ADIPOR2: variants seen among roughly 807,000 people sequenced by gnomAD.
ADIPOR2 encodes adiponectin receptor 2, also known as adiponectin receptor protein 2.
A neutral mutation model predicts 40.9 loss-of-function variants in ADIPOR2; 18 were observed. The ratio of observed to expected loss-of-function variants is 0.44; its 90% CI spans 0.30 to 0.65. The LOEUF (loss-of-function observed/expected upper bound fraction) is 0.65. Among genes scored for constraint, ADIPOR2 ranks in the 30% least tolerant of loss-of-function variants. The probability of loss-of-function intolerance (pLI) is 0.09; values close to 1 mark genes in which losing one functional copy is unlikely to be tolerated. For missense variants in ADIPOR2, 283 were observed against 479.2 expected, an observed-to-expected ratio of 0.59 and a Z score of 3.82; for synonymous variants, 165 against 166.4, an observed-to-expected ratio of 0.99 and a Z score of 0.06.
intron 1 of ADIPOR2, among the ~76,000 whole-genome samples, chr12:1,708,873 C>T (rs1276377005): frequency 6.6e-6 from 1 of 152,072 alleles, no homozygotes; most frequent in Non-Finnish European, 1.5e-5. Flanking sequence ...GTGTGCACCA[C>T]CACGCCCGGC....
At chr12:1,711,051 C>G (rs1165824733) in intron 1 of ADIPOR2, among the ~76,000 whole-genome samples, 1 of 152,084 alleles carries the variant, frequency 6.6e-6, no homozygotes, top group Non-Finnish European at 1.5e-5. Flanking sequence ...CTGTAAACGC[C>G]AGGTGGCGTC....
chr12:1,768,402 G>A (rs1862428085), intron 2 of ADIPOR2, among the ~76,000 whole-genome samples: 1 of 151,982 alleles, frequency 6.6e-6, no homozygotes, highest in Non-Finnish European at 1.5e-5. Flanking sequence ...CTTCATGCAG[G>A]CTTTCCTGAG....
At chr12:1,745,227 C>G (rs2094752449) in intron 1 of ADIPOR2, among the ~76,000 whole-genome samples, 1 of 152,050 alleles carries the variant, frequency 6.6e-6, no homozygotes, top group Non-Finnish European at 1.5e-5. Context: ...CTCTTGGTAC[C>G]CATTGCTTTG....
intron 1 of ADIPOR2, among the ~76,000 whole-genome samples, chr12:1,703,978 G>T (rs1372456692): frequency 1.4e-5 from 2 of 144,632 alleles, no homozygotes; most frequent in Non-Finnish European, 3.0e-5. Context: ...CTCCCAAAGT[G>T]CTGGGATTAC....
At chr12:1,701,127 C>CTTTTT (rs34379541) in intron 1 of ADIPOR2, among the ~76,000 whole-genome samples, 2 of 123,780 alleles carry the variant, frequency 1.6e-5, no homozygotes, top group Non-Finnish European at 1.7e-5. Flanking sequence ...TGGTGTTGAT[C>CTTTTT]TTTTTTTTTT....
chr12:1,737,432 C>G (rs1442813330), intron 1 of ADIPOR2, among the ~76,000 whole-genome samples: 1 of 151,930 alleles, frequency 6.6e-6, no homozygotes, highest in Admixed American at 6.6e-5. Flanking sequence ...CAAATTAAGT[C>G]ATTTCCCTCT....
intron 2 of ADIPOR2, 110 bp from the exon 3 acceptor site, chr12:1,772,732 G>A: frequency 7.5e-7 from 1 of 1,341,602 alleles, no homozygotes; most frequent in Non-Finnish European, 1.0e-6. Flanking sequence ...CTTGTCTAAG[G>A]CCTTGTTTTG....
chr12:1,765,605 A>G (rs1461637637), intron 2 of ADIPOR2, among the ~76,000 whole-genome samples: 1 of 152,202 alleles, frequency 6.6e-6, no homozygotes, highest in African/African-American at 2.4e-5. Flanking sequence ...TGACTACTCC[A>G]TAACTGTAGT....
At chr12:1,721,056 A>G (rs544024194) in intron 1 of ADIPOR2, among the ~76,000 whole-genome samples, 7 of 152,198 alleles carry the variant, frequency 4.6e-5, no homozygotes, top group Admixed American at 3.3e-4. Flanking sequence ...GACCAAACCA[A>G]TGTACTTCTT....
intron 7 of ADIPOR2, 81 bp downstream of exon 7, chr12:1,784,154 GT>G: frequency 1.4e-6 from 2 of 1,397,790 alleles, no homozygotes; most frequent in Non-Finnish European, 9.5e-7. Context: ...AATAGAAAAA[GT>G]TTTAGACACA....
At chr12:1,748,409 T>C (rs149639586) in intron 1 of ADIPOR2, among the ~76,000 whole-genome samples, 213 of 152,026 alleles carry the variant, frequency 1.4e-3, no homozygotes, top group South Asian at 2.9e-3. Context: ...CCACCACGCC[T>C]GGCTAATTTT....
chr12:1,726,847 A>G (rs987497477), intron 1 of ADIPOR2, among the ~76,000 whole-genome samples: 1 of 152,084 alleles, frequency 6.6e-6, no homozygotes, highest in Non-Finnish European at 1.5e-5. Context: ...GAAACTCATT[A>G]TTGTTCCGCT....
intron 3 of ADIPOR2, among the ~76,000 whole-genome samples, chr12:1,776,700 G>A (rs1193321657): frequency 6.6e-6 from 1 of 152,152 alleles, no homozygotes; most frequent in Non-Finnish European, 1.5e-5. Context: ...GGAAACGGGA[G>A]GAAAGGGCTC....
intron 2 of ADIPOR2, among the ~76,000 whole-genome samples, chr12:1,768,531 A>G (rs557846180): frequency 1.3e-5 from 2 of 152,270 alleles, no homozygotes; most frequent in African/African-American, 4.8e-5. Flanking sequence ...TGTTTTATTC[A>G]TCTTATTTTT....
chr12:1,738,813 G>A (rs1160996797), intron 1 of ADIPOR2, among the ~76,000 whole-genome samples: 2 of 152,146 alleles, frequency 1.3e-5, no homozygotes, highest in African/African-American at 4.8e-5. Flanking sequence ...TTGTGACTGG[G>A]ACTGAATTTT....
intron 1 of ADIPOR2, among the ~76,000 whole-genome samples, chr12:1,691,412 G>C (rs1016913099): frequency 2.6e-5 from 4 of 152,136 alleles, no homozygotes; most frequent in African/African-American, 7.2e-5. Flanking sequence ...TGGGGACCTG[G>C]AGCCGCCCTC....
At chr12:1,746,506 A>G (rs1273995442) in intron 1 of ADIPOR2, among the ~76,000 whole-genome samples, 3 of 151,854 alleles carry the variant, frequency 2.0e-5, no homozygotes, top group Non-Finnish European at 2.9e-5. Flanking sequence ...AACAAAAAAC[A>G]AAAAAAACCC....
In ADIPOR2 at chr12:1,711,769, C is replaced by CT. The variant is rs546519249; in HGVS notation, c.-87+20580dup. Reference sequence around the variant, plus strand: ...GGTCTTTCCCTGCCTCTGCCAGCTGCTTATGCTGCTGTTCTCCCCTCTCCT... The same window carrying CT: ...GGTCTTTCCCTGCCTCTGCCAGCTGCTTTATGCTGCTGTTCTCCCCTCTCCT... On this transcript the variant is annotated intron_variant, in intron 1 of 7. Coordinates refer to ENST00000357103, the MANE Select transcript of ADIPOR2 (RefSeq NM_024551.3). Among the ~76,000 whole-genome samples the CT allele has an allele frequency of 1.7e-4, 26 of 152,086 alleles. No homozygotes were observed. The East Asian group carries it at 5.0e-3, about 29-fold the overall frequency.
At chr12:1,703,451 T>C (rs1014840150) in intron 1 of ADIPOR2, among the ~76,000 whole-genome samples, 1 of 152,092 alleles carries the variant, frequency 6.6e-6, no homozygotes, top group African/African-American at 2.4e-5. Flanking sequence ...TTAAAAGAAA[T>C]TTGGCTGGGT....
Sources: gnomAD v4.1 joint callset for allele counts (sites outside exome capture counted in the v4.1 genomes callset) on GRCh38, gnomAD v4.1.1 for gene constraint, MANE v1.5 for transcripts, NCBI Gene and HGNC (gene_info 2026-07-23, HGNC 2026-07-21) for gene names.